The following GPAM variants were observed in gnomAD, a reference collection of about 807,000 sequenced individuals.
GPAM encodes glycerol-3-phosphate acyltransferase 1, mitochondrial.
GPAM carries 56 observed loss-of-function variants against 105.0 expected under a neutral mutation model. The ratio of observed to expected loss-of-function variants is 0.53; its 90% confidence interval spans 0.43 to 0.67. GPAM has a LOEUF of 0.67. GPAM is among the 30% of genes least tolerant of loss of function. The pLI is 0.00. For missense variants in GPAM, 855 were observed against 989.8 expected (o/e 0.86, Z 1.83); for synonymous variants, 368 against 354.4 (o/e 1.04, Z -0.43).
upstream of GPAM, among the ~76,000 whole-genome samples, chr10:112,216,678 C>A (rs1847972769): frequency 6.6e-6 from 1 of 151,686 alleles, no homozygotes; most frequent in East Asian, 1.9e-4. Flanking sequence ...GGCTGGAGTG[C>A]AGTGGTGTGA....
upstream of GPAM, among the ~76,000 whole-genome samples, chr10:112,218,273 A>C (rs1345062386): frequency 2.0e-5 from 3 of 152,198 alleles, no homozygotes; most frequent in Non-Finnish European, 4.4e-5. Context: ...GCAGGGGCAC[A>C]CGGAAATGGA....
intron 17 of GPAM, 86 bp downstream of exon 17, chr10:112,159,822 CATT>C: frequency 7.8e-7 from 1 of 1,279,424 alleles, no homozygotes; most frequent in South Asian, 1.2e-5. Context: ...ATGGGTCAAA[CATT>C]ATCTAACAGA....
chr10:112,166,444 A>G lies in GPAM; in HGVS notation c.1179T>C (p.Tyr393=), dbSNP rs762263553. 4 of 1,610,904 alleles carry G rather than the reference A, an allele frequency of 2.5e-6. No homozygotes were observed. Among genetic ancestry groups the G allele is most frequent in the Admixed American group, 3.3e-5 (2 of 60,018 alleles). Residue 393 remains tyrosine, a synonymous_variant, in exon 12 of 22, where the codon TAT becomes TAC. Coordinates refer to ENST00000348367, the MANE Select transcript of GPAM (RefSeq NM_001244949.2). ...GTGCAAAATCCACTCGGACACAACCATAGTTTTTTCGTAACATTCTAATAA... is the reference window on the plus strand; with the variant it reads ...GTGCAAAATCCACTCGGACACAACCGTAGTTTTTTCGTAACATTCTAATAA... ...RGVIRMLRKN[Y]GCVRVDFAQP...
intron 11 of GPAM, among the ~76,000 whole-genome samples, chr10:112,167,758 C>T (rs993091039): frequency 6.6e-5 from 10 of 152,204 alleles, no homozygotes; most frequent in Non-Finnish European, 1.2e-4. Flanking sequence ...AATATTGTTC[C>T]TTGATCTGGG....
In GPAM at chr10:112,168,572, T is replaced by C. The variant is rs1161755112; in HGVS notation, c.895-48A>G. On this transcript the variant is annotated intron_variant, in intron 10 of 21. Coordinates refer to ENST00000348367, the MANE Select transcript of GPAM (RefSeq NM_001244949.2). ...AACATACATTCAAGACCACTCAACT[T>C]AGAATGAGCTCAGAAAAATTAAATC... 5.8e-6 allele frequency: 7 copies of C among 1,217,362 alleles called. No homozygotes were observed. The African/African-American group carries it at 7.4e-5, about 13-fold the overall frequency. The allele number at this position is 1,217,362 out of a possible 1,614,324, so 75.4% of individuals were successfully genotyped here. A position where few individuals can be genotyped will look rare whatever the true frequency, so the allele number is the denominator to read the frequency against.
chr10:112,171,981 A>G (rs901277021), intron 9 of GPAM, among the ~76,000 whole-genome samples: 1 of 152,182 alleles, frequency 6.6e-6, no homozygotes, highest in Non-Finnish European at 1.5e-5. Flanking sequence ...ATCCCATATA[A>G]AATATATAAA....
chr10:112,172,794 C>T (rs951216851), intron 8 of GPAM, among the ~76,000 whole-genome samples, 176 bp downstream of exon 8: 1 of 152,126 alleles, frequency 6.6e-6, no homozygotes, highest in Admixed American at 6.5e-5. Context: ...AGTAAGTACT[C>T]CTGTATCTCA....
chr10:112,224,390 T>A, the GPAM span, among the ~76,000 whole-genome samples: 1 of 152,302 alleles, frequency 6.6e-6, no homozygotes, highest in East Asian at 1.9e-4. Context: ...TATGTACAGA[T>A]AAATGTCTGC....
chr10:112,160,911 C>G (rs1475704440), intron 15 of GPAM, 43 bp from the exon 16 acceptor site: 2 of 1,583,094 alleles, frequency 1.3e-6, no homozygotes, highest in Admixed American at 3.3e-5. Context: ...GGAAAACCTA[C>G]TTTCCAAAAA....
rs1846900164 is a variant in GPAM, at chr10:112,150,713, C to T, written c.*2837G>A. The T allele has an allele frequency of 2.2e-5, 21 of 972,086 alleles. No individual in the cohort carries two copies. Among genetic ancestry groups the T allele is most frequent in the Non-Finnish European group, 2.6e-5 (21 of 817,870 alleles). 60.2% of individuals were successfully genotyped at this position (972,086 alleles called of 1,614,324 possible). A position where few individuals can be genotyped will look rare whatever the true frequency, so the allele number is the denominator to read the frequency against. On this transcript the variant is annotated 3_prime_UTR_variant, in exon 22 of 22. Transcript: ENST00000348367. ...ACTACCGGATGCCAAGCCCTTACTG[C>T]GCTAAAGTGCATTGTAAGTTTCCAG...
chr10:112,179,875 G>A (rs1354401038), intron 4 of GPAM, among the ~76,000 whole-genome samples: 3 of 152,148 alleles, frequency 2.0e-5, no homozygotes, highest in South Asian at 2.1e-4. Flanking sequence ...AACTACCACC[G>A]AAAATATACC....
intron 9 of GPAM, among the ~76,000 whole-genome samples, chr10:112,171,815 C>T (rs1160305148): frequency 6.6e-6 from 1 of 152,178 alleles, no homozygotes; most frequent in African/African-American, 2.4e-5. Flanking sequence ...GTCTTTATAT[C>T]ACTAACCCTT....
At chr10:112,191,409 G>A (rs1847657147) in intron 1 of GPAM, among the ~76,000 whole-genome samples, 2 of 152,330 alleles carry the variant, frequency 1.3e-5, no homozygotes, top group African/African-American at 4.8e-5. Context: ...GCCACTAGCT[G>A]TGCCACTGGG....
Position 112,159,970 on chromosome 10 carries a change from G to A in GPAM, c.1843C>T (p.Leu615=). The A allele has an allele frequency of 6.2e-7, 1 of 1,614,000 alleles. No individual in the cohort carries two copies. Among genetic ancestry groups the A allele is most frequent in the African/African-American group, 1.3e-5 (1 of 75,058 alleles). ...CACAGGCTGGCCGCCTTCCGCACCA[G>A]CTGCTCCTGGCTGATCAGGTTAGGT... ...TPPNLISQEQ[L]VRKAASLCYL... is the part of the protein sequence containing the mutation. The change falls in exon 17 of 22, where the codon CTG becomes TTG. Residue 615 remains leucine (L), a synonymous_variant. Transcript: ENST00000348367.
intron 1 of GPAM, among the ~76,000 whole-genome samples, chr10:112,189,762 C>T (rs1439889929): frequency 6.6e-6 from 1 of 152,150 alleles, no homozygotes; most frequent in Non-Finnish European, 1.5e-5. Context: ...CTTCCTTTTC[C>T]GTTTTGTTCC....
chr10:112,213,722 G>A (rs889694203), intron 1 of GPAM, among the ~76,000 whole-genome samples: 3 of 152,180 alleles, frequency 2.0e-5, no homozygotes, highest in African/African-American at 7.2e-5. Flanking sequence ...GGTGAAGAAT[G>A]CTTTAAGCAG....
intron 12 of GPAM, 33 bp downstream of exon 12, chr10:112,166,369 C>A: frequency 8.6e-7 from 1 of 1,164,600 alleles, no homozygotes. Context: ...CAGGTAGATG[C>A]TTCAACATGG....
chr10:112,219,208 C>T (rs968417607), upstream of GPAM, among the ~76,000 whole-genome samples: 3 of 152,162 alleles, frequency 2.0e-5, no homozygotes, highest in African/African-American at 7.2e-5. Context: ...AGCCCACAGC[C>T]CTGGCAGAGC....
Position 112,151,255 on chromosome 10 carries a change from G to A in GPAM, c.*2295C>T. On this transcript the variant is annotated 3_prime_UTR_variant, in exon 22 of 22. Coordinates refer to ENST00000348367, the MANE Select transcript of GPAM (RefSeq NM_001244949.2). ...CCTTATGTGGAAGCCATCACTGTTGGAAAACAATGAGAATGTATCTTTTAG... is the reference window on the plus strand; with the variant it reads ...CCTTATGTGGAAGCCATCACTGTTGAAAAACAATGAGAATGTATCTTTTAG... 1.0e-6 allele frequency: 1 copy of A among 985,626 alleles called. No homozygotes were observed. Among genetic ancestry groups the A allele is most frequent in the Non-Finnish European group, 1.2e-6 (1 of 829,786 alleles). 61.1% of individuals were successfully genotyped at this position (985,626 alleles called of 1,614,324 possible).
Sources: gnomAD v4.1 joint callset for allele counts (sites outside exome capture counted in the v4.1 genomes callset) on GRCh38, gnomAD v4.1.1 for gene constraint, MANE v1.5 for transcripts, NCBI Gene and HGNC (gene_info 2026-07-23, HGNC 2026-07-21) for gene names.